PCDH10: variants seen among roughly 807,000 people sequenced by gnomAD.
The protein encoded by PCDH10 is protocadherin 10.
Under a neutral mutation model 74.4 loss-of-function variants are expected in PCDH10, and 15 were observed. The observed-to-expected ratio is 0.20, with a 90% CI of 0.13 to 0.31. The LOEUF (loss-of-function observed/expected upper bound fraction) is 0.31, where lower values mean the gene tolerates loss of function less well. Ranked by LOEUF, PCDH10 falls within the 10% of genes least tolerant of loss-of-function variation. The pLI is 1.00. For missense variants in PCDH10, 1,260 were observed against 1,390.2 expected (o/e 0.91, Z 1.49); for synonymous variants, 619 against 589.8 (o/e 1.05, Z -0.72).
chr4:133,151,727 C>A lies in PCDH10; in HGVS notation c.1587C>A (p.Arg529=). The A allele has an allele frequency of 6.2e-7, 1 of 1,613,188 alleles. No individual in the cohort carries two copies. The highest frequency in any genetic ancestry group is 1.1e-5 in the South Asian group (1 of 91,092). The change falls in exon 1 of 5, where the codon CGC becomes CGA. Residue 529 remains arginine (R), a synonymous_variant. Coordinates refer to ENST00000264360, the MANE Select transcript of PCDH10 (RefSeq NM_032961.3). ...NSENGYLYAL[R]SFDYEQLKDF... The stretch of plus-strand genomic sequence containing the variant: ...AGAACGGCTACTTGTACGCCCTGCG[C>A]TCCTTCGACTATGAGCAGCTGAAGG...
chr4:133,201,927 A>C (rs990000104), intron 2 of PCDH10, among the ~76,000 whole-genome samples: 1 of 151,032 alleles, frequency 6.6e-6, no homozygotes, highest in African/African-American at 2.4e-5. Flanking sequence ...GGCTAGGGGA[A>C]TCTTATCTTT....
At chr4:133,155,066 T>G in intron 3 of PCDH10, 43 bp downstream of exon 3, 1 of 1,334,762 alleles carries the variant, frequency 7.5e-7, no homozygotes, top group Non-Finnish European at 1.1e-6. Flanking sequence ...ACTTTTATAG[T>G]TTTTGTTTTT....
intron 4 of PCDH10, among the ~76,000 whole-genome samples, chr4:133,174,264 A>G (rs575442697): frequency 4.1e-4 from 62 of 152,116 alleles, no homozygotes; most frequent in African/African-American, 1.5e-3. Flanking sequence ...GAAGATATAG[A>G]AAGCAGATCT....
chr4:133,164,793 A>T (rs1230287102), intron 4 of PCDH10, among the ~76,000 whole-genome samples: 1 of 150,320 alleles, frequency 6.7e-6, no homozygotes, highest in Non-Finnish European at 1.5e-5. Flanking sequence ...TTTAATGCAA[A>T]TTTTTCTATT....
Position 133,151,397 on chromosome 4 carries a change from C to G in PCDH10, c.1257C>G (p.Ala419=), listed in dbSNP as rs1726687275. The G allele has an allele frequency of 6.2e-7, 1 of 1,614,126 alleles. No individual in the cohort carries two copies. The highest frequency in any genetic ancestry group is 1.3e-5 in the African/African-American group (1 of 75,040). Residue 419 remains alanine, a synonymous_variant, in exon 1 of 5, where the codon GCC becomes GCG. Coordinates refer to ENST00000264360, the MANE Select transcript of PCDH10 (RefSeq NM_032961.3). Reference sequence around the variant, plus strand: ...ATTACTACACCATCGTTACCGAAGCCCCCCTGGACCGAGAGGCGGGGGACT... The same window carrying G: ...ATTACTACACCATCGTTACCGAAGCGCCCCTGGACCGAGAGGCGGGGGACT... ...FKNYYTIVTE[A]PLDREAGDSY...
At position 133,155,362 on chromosome 4, in the gene PCDH10, T is replaced by A. The variant is rs140092208; in HGVS notation, c.2797+339T>A. ...ACCAGTCTTCAGTCAATTAAGGTAT[T>A]CTTAAACTTGTTTATGGATGAGATA... On this transcript the variant is annotated intron_variant, in intron 3 of 4. Coordinates refer to ENST00000264360, the MANE Select transcript of PCDH10 (RefSeq NM_032961.3). Among the ~76,000 whole-genome samples the A allele has an allele frequency of 5.4e-3, 828 of 152,334 alleles. 8 individuals are homozygous for A. The highest frequency in any genetic ancestry group is 0.018 in the African/African-American group (745 of 41,574).
chr4:133,163,861 TAA>T (rs1727025960), intron 4 of PCDH10: 4 of 435,310 alleles, frequency 9.2e-6, no homozygotes, highest in Non-Finnish European at 1.8e-5. Flanking sequence ...AATTGAAAAG[TAA>T]AAGAGTTTTT....
chr4:133,169,494 G>T (rs765469817), intron 4 of PCDH10, among the ~76,000 whole-genome samples: 1 of 151,618 alleles, frequency 6.6e-6, no homozygotes, highest in Non-Finnish European at 1.5e-5. Context: ...AACATTTAGC[G>T]TATTAACATT....
At chr4:133,199,159 G>A (rs1353613591), downstream of PCDH10, among the ~76,000 whole-genome samples, 1 of 151,436 alleles carries the variant, frequency 6.6e-6, no homozygotes, top group African/African-American at 2.4e-5. Flanking sequence ...GTAGTGGCCC[G>A]CACCTGTAGT....
At chr4:133,161,471 A>G (rs1003938679) in intron 3 of PCDH10, among the ~76,000 whole-genome samples, 2 of 152,024 alleles carry the variant, frequency 1.3e-5, no homozygotes, top group Non-Finnish European at 2.9e-5. Flanking sequence ...TTATATATGC[A>G]GATAACATAT....
intron 4 of PCDH10, among the ~76,000 whole-genome samples, chr4:133,189,049 G>C (rs1030612496): frequency 2.6e-5 from 4 of 151,958 alleles, no homozygotes; most frequent in Non-Finnish European, 4.4e-5. Context: ...CAGAAACTGA[G>C]CTTTTGAGGA....
In PCDH10 at chr4:133,150,920, A is replaced by C; in HGVS notation, c.780A>C (p.Pro260=). The change falls in exon 1 of 5, where the codon CCA becomes CCC. Residue 260 remains proline, a synonymous_variant. Transcript: ENST00000264360. ...AACCCGTCTACACTGTGTCCCTACC[A>C]GAGAACTCTCCCCCAGGCACTCTCG... is the stretch of plus-strand genomic sequence containing the variant. ...FDQPVYTVSL[P]ENSPPGTLVI... The C allele has an allele frequency of 6.2e-7, 1 of 1,613,788 alleles. No individual in the cohort carries two copies. The highest frequency in any genetic ancestry group is 8.5e-7 in the Non-Finnish European group (1 of 1,179,992).
chr4:133,167,997 T>A (rs758995477), intron 4 of PCDH10, among the ~76,000 whole-genome samples: 97 of 151,426 alleles, frequency 6.4e-4, no homozygotes, highest in Non-Finnish European at 1.2e-3. Context: ...ATTTTAAAAA[T>A]ATTACTTATT....
At position 133,152,414 on chromosome 4, in the gene PCDH10, C is replaced by T; in HGVS notation, c.2274C>T (p.Leu758=). The change falls in exon 1 of 5, where the codon CTC becomes CTT. Residue 758 remains leucine (L), a synonymous_variant. Transcript: ENST00000264360. ...CTTGTCTGGCCAGCGATTGCTGCCT[C>T]TGCTGCTGCTGCTGCGGTGGCGGAG... ...IYTCLASDCC[L]CCCCCGGGGS... 6.3e-7 allele frequency: 1 copy of T among 1,594,392 alleles called. No homozygotes were observed. Among genetic ancestry groups the T allele is most frequent in the Non-Finnish European group, 8.6e-7 (1 of 1,166,698 alleles).
chr4:133,175,153 A>T (rs980810136), intron 4 of PCDH10, among the ~76,000 whole-genome samples: 2 of 151,984 alleles, frequency 1.3e-5, no homozygotes, highest in Non-Finnish European at 2.9e-5. Flanking sequence ...TTTTGAAGTT[A>T]ATTTTAAGTC....
intron 3 of PCDH10, among the ~76,000 whole-genome samples, chr4:133,158,948 C>T (rs1440355656): frequency 6.6e-6 from 1 of 151,806 alleles, no homozygotes; most frequent in Non-Finnish European, 1.5e-5. Context: ...TTTTGATGGG[C>T]ATATTTTGAT....
At chr4:133,207,863 G>T (rs575508787) in intron 2 of PCDH10, among the ~76,000 whole-genome samples, 5 of 152,252 alleles carry the variant, frequency 3.3e-5, no homozygotes, top group African/African-American at 9.6e-5. Flanking sequence ...CAGCCTCTGT[G>T]ATGGCCCATA....
At chr4:133,173,466 C>G (rs912091109) in intron 4 of PCDH10, among the ~76,000 whole-genome samples, 1 of 151,906 alleles carries the variant, frequency 6.6e-6, no homozygotes, top group African/African-American at 2.4e-5. Context: ...AACATTTTAC[C>G]TAGAAAGCTT....
chr4:133,157,444 G>A (rs1320225529), intron 3 of PCDH10, among the ~76,000 whole-genome samples: 1 of 152,016 alleles, frequency 6.6e-6, no homozygotes, highest in East Asian at 1.9e-4. Flanking sequence ...TCATTGTAAA[G>A]CCAGATATTA....
Sources: allele counts gnomAD v4.1 joint callset (sites outside exome capture counted in the v4.1 genomes callset), GRCh38; gene constraint gnomAD v4.1.1; transcripts MANE v1.5; gene names NCBI Gene and HGNC (gene_info 2026-07-23, HGNC 2026-07-21).